Variants in ZNF687 observed in about 807,000 individuals in gnomAD.
The protein encoded by ZNF687 is zinc finger protein 687.
Under a neutral mutation model 71.8 loss-of-function variants are expected in ZNF687, and 13 were observed. That is an observed-to-expected ratio of 0.18 (90% CI 0.12 to 0.29). ZNF687 has a LOEUF of 0.29. Ranked by LOEUF, ZNF687 falls within the 10% of genes least tolerant of loss-of-function variation. ZNF687 has a pLI of 1.00. For missense variants in ZNF687, 1,412 were observed against 1,625.6 expected, an observed-to-expected ratio of 0.87 and a Z score of 2.26; for synonymous variants, 673 against 641.6, an observed-to-expected ratio of 1.05 and a Z score of -0.74.
chr1:151,281,913 G>C (rs993893677), upstream of ZNF687: 4 of 817,150 alleles, frequency 4.9e-6, no homozygotes, highest in Non-Finnish European at 6.8e-6. Context: ...TTCAAGCTTC[G>C]AGCGGCCAGT....
At position 151,291,572 on chromosome 1, in the gene ZNF687, C is replaced by G; in HGVS notation, c.*363C>G. 1 of 196,970 alleles carries G rather than the reference C, an allele frequency of 5.1e-6. No homozygotes were observed. The highest frequency in any genetic ancestry group is 1.0e-5 in the Non-Finnish European group (1 of 95,936). 12.2% of individuals were successfully genotyped at this position (196,970 alleles called of 1,614,324 possible). A position where few individuals can be genotyped will look rare whatever the true frequency, so the allele number is the denominator to read the frequency against. The stretch of plus-strand genomic sequence containing the variant: ...ATGGGGGTGTCATGGATGGACACAC[C>G]TCTCCACAATTCCTTCAGGCATGGA... On this transcript the variant is annotated 3_prime_UTR_variant, in exon 9 of 9. Transcript: ENST00000336715.
At chr1:151,282,793 G>GTCC (rs1267705081) in intron 1 of ZNF687, among the ~76,000 whole-genome samples, 1 of 152,042 alleles carries the variant, frequency 6.6e-6, no homozygotes, top group East Asian at 1.9e-4. Flanking sequence ...GCGGGTCAGC[G>GTCC]TCCGGGCCCG....
rs1287547520 is a variant in ZNF687, at chr1:151,291,888, T to G, written c.*679T>G. On this transcript the variant is annotated 3_prime_UTR_variant, in exon 9 of 9. Transcript: ENST00000336715. ...GGAGAAAACCAGACCATTAAAACTG[T>G]TTGTGGTCGAATCTCCATTCAGGCC... The G allele has an allele frequency of 6.6e-6, 1 of 152,308 alleles. No homozygotes were observed. The highest frequency in any genetic ancestry group is 2.4e-5 in the African/African-American group (1 of 41,382). 9.4% of individuals were successfully genotyped at this position (152,308 alleles called of 1,614,324 possible).
chr1:151,283,954 T>G (rs1026213415), intron 1 of ZNF687: 1 of 985,422 alleles, frequency 1.0e-6, no homozygotes, highest in African/African-American at 1.7e-5. Context: ...TAGTTGCTTC[T>G]TCGTAGATAC....
At chr1:151,289,306 A>AG in intron 4 of ZNF687, 35 bp downstream of exon 4, 1 of 1,612,662 alleles carries the variant, frequency 6.2e-7, no homozygotes, top group South Asian at 1.1e-5. Context: ...TGGGCCAGGG[A>AG]GGGCTGGTGG....
chr1:151,288,233 G>A lies in ZNF687; in HGVS notation c.1942G>A (p.Val648Ile). The stretch of plus-strand genomic sequence containing the variant: ...CATCACCTCCTCTGCCATTACTACA[G>A]TTGCTGCTGAGGCCCCTGTCCTGCC... ...GAITSSAITT[V>I]AAEAPVLPLS... is the part of the protein sequence containing the mutation. The change falls in exon 2 of 9, where the codon GTT (valine) becomes ATT (isoleucine). Residue 648 changes from valine to isoleucine, a missense_variant. By Grantham distance (29) the Val-to-Ile change is conservative. Transcript: ENST00000336715. The A allele has an allele frequency of 1.2e-6, 2 of 1,613,646 alleles. No individual in the cohort carries two copies. Among genetic ancestry groups the A allele is most frequent in the Non-Finnish European group, 1.7e-6 (2 of 1,180,002 alleles).
At chr1:151,282,188 CA>C, upstream of ZNF687, 1 of 1,095,956 alleles carries the variant, frequency 9.1e-7, no homozygotes, top group Non-Finnish European at 1.1e-6. Context: ...CTGGAAGGGG[CA>C]CAGGGCTGAG....
Position 151,287,023 on chromosome 1 carries a change from G to T in ZNF687, c.732G>T (p.Lys244Asn), listed in dbSNP as rs763363149. The T allele has an allele frequency of 6.2e-6, 10 of 1,606,886 alleles. No individual in the cohort carries two copies. The highest frequency in any genetic ancestry group is 1.7e-4 in the Middle Eastern group (1 of 6,026). The change falls in exon 2 of 9, where the codon AAG becomes AAT. Residue 244 changes from lysine (K) to asparagine (N), a missense_variant. By Grantham distance (94) the Lys-to-Asn change is moderately conservative. Transcript: ENST00000336715. The surrounding 1 kb of genome is among the most constrained non-coding windows in gnomAD (Gnocchi z 5.0). Reference sequence around the variant, plus strand: ...AACAAGGCTCAGGCTCCAGCCCTAAGGCCACGGACATCCCTGCCAGTGCCT... The same window carrying T: ...AACAAGGCTCAGGCTCCAGCCCTAATGCCACGGACATCCCTGCCAGTGCCT... ...LAQQGSGSSPKATDIPASASP... is the reference protein window; with the variant it reads ...LAQQGSGSSPNATDIPASASP...
intron 2 of ZNF687, 61 bp downstream of exon 2, chr1:151,288,467 G>A: frequency 1.9e-6 from 3 of 1,579,812 alleles, no homozygotes; most frequent in Non-Finnish European, 2.6e-6. Flanking sequence ...TGGGGGCTTG[G>A]TTAGAAGTAA....
Position 151,287,025 on chromosome 1 carries a change from C to T in ZNF687, c.734C>T (p.Ala245Val). 1 of 1,606,750 alleles carries T rather than the reference C, an allele frequency of 6.2e-7. No homozygotes were observed. Among genetic ancestry groups the T allele is most frequent in the East Asian group, 2.2e-5 (1 of 44,718 alleles). Residue 245 changes from alanine (A) to valine (V), a missense_variant, in exon 2 of 9, where the codon GCC becomes GTC. Transcript: ENST00000336715. This position sits in a 1 kb window ranked among gnomAD's most constrained non-coding sequence, Gnocchi z 5.0. Reference protein sequence around the residue: ...AQQGSGSSPKATDIPASASPP... With the variant: ...AQQGSGSSPKVTDIPASASPP... ...CAAGGCTCAGGCTCCAGCCCTAAGG[C>T]CACGGACATCCCTGCCAGTGCCTCG...
chr1:151,282,397 T>G lies in ZNF687; in HGVS notation c.-18+2T>G. On this transcript the variant is annotated splice_donor_variant, in intron 1 of 8. Transcript: ENST00000336715. LOFTEE classifies it low-confidence loss of function (5UTR_SPLICE). Reference sequence around the variant, plus strand: ...CGGCCCGCACCAGGAGCGGAACAAGTAAGCGTGCCTGGGGTAAATACCCGC... The same window carrying G: ...CGGCCCGCACCAGGAGCGGAACAAGGAAGCGTGCCTGGGGTAAATACCCGC... 6.1e-6 allele frequency: 6 copies of G among 988,118 alleles called. No individual in the cohort carries two copies. Among genetic ancestry groups the G allele is most frequent in the Non-Finnish European group, 7.2e-6 (6 of 830,878 alleles). The allele number at this position is 988,118 out of a possible 1,614,324, so 61.2% of individuals were successfully genotyped here. A position where few individuals can be genotyped will look rare whatever the true frequency, so the allele number is the denominator to read the frequency against.
Position 151,286,692 on chromosome 1 carries a change from T to G in ZNF687, c.401T>G (p.Leu134Arg), listed in dbSNP as rs200732440. 2.9e-5 allele frequency: 47 copies of G among 1,613,940 alleles called. 1 individual carries two copies. In the South Asian group the frequency reaches 4.9e-4, roughly 17 times the overall value. ...QNGFGSPEPS[L>R]PGTPHSPAPP... Reference sequence around the variant, plus strand: ...GGTTTTGGGAGCCCTGAACCTTCCCTCCCAGGAACTCCCCACTCTCCTGCT... The same window carrying G: ...GGTTTTGGGAGCCCTGAACCTTCCCGCCCAGGAACTCCCCACTCTCCTGCT... Residue 134 changes from leucine to arginine, a missense_variant, in exon 2 of 9, where the codon CTC (leucine) becomes CGC (arginine). Leu to Arg is a moderately radical substitution (Grantham distance 102). Around this residue, in one of 8 missense-constraint regions of ZNF687, gnomAD observed 490 missense variants for 489.9 expected, o/e 1.00. Coordinates refer to ENST00000336715, the MANE Select transcript of ZNF687 (RefSeq NM_020832.3).
upstream of ZNF687, chr1:151,281,598 C>A (rs1270133467): frequency 4.2e-6 from 2 of 471,104 alleles, no homozygotes. Flanking sequence ...CACGCCCTCC[C>A]GCAGAGGGAG....
In ZNF687 at chr1:151,287,870, GC is replaced by G; in HGVS notation, c.1582del (p.Leu528CysfsTer72). The G allele has an allele frequency of 6.2e-7, 1 of 1,613,944 alleles. No homozygotes were observed. Among genetic ancestry groups the G allele is most frequent in the Non-Finnish European group, 8.5e-7 (1 of 1,180,010 alleles). Reference sequence around the variant, plus strand: ...GAGCCCACCAGCTGAGGCTGGGCTGGCCCTGCCTCCCACCGGCTACCGCTGC... The same window carrying G: ...GAGCCCACCAGCTGAGGCTGGGCTGGCCTGCCTCCCACCGGCTACCGCTGC... ...NLSPPAEAGL[A>X]LPPTGYRCLE... On this transcript the variant is annotated frameshift_variant, in exon 2 of 9. Transcript: ENST00000336715. LOFTEE classifies it high-confidence loss of function. This position sits in a 1 kb window ranked among gnomAD's most constrained non-coding sequence, Gnocchi z 5.0.
intron 1 of ZNF687, chr1:151,283,104 C>T: frequency 1.0e-6 from 1 of 985,470 alleles, no homozygotes. Context: ...CTTCGCACGC[C>T]GGTGCGAGTG....
Position 151,288,302 on chromosome 1 carries a change from A to G in ZNF687, c.2011A>G (p.Thr671Ala), listed in dbSNP as rs371018349. ...PPAAPATSAY[T>A]CFRCLECKEQ... is the part of the protein sequence containing the mutation. Reference sequence around the variant, plus strand: ...TGCTGCCCCGGCCACCTCTGCTTACACATGCTTTCGCTGCCTGGAGTGCAA... The same window carrying G: ...TGCTGCCCCGGCCACCTCTGCTTACGCATGCTTTCGCTGCCTGGAGTGCAA... The change falls in exon 2 of 9, where the codon ACA becomes GCA. Residue 671 changes from threonine (T) to alanine (A), a missense_variant. Transcript: ENST00000336715. 28 of 1,613,086 alleles carry G rather than the reference A, an allele frequency of 1.7e-5. No homozygotes were observed. Among genetic ancestry groups the G allele is most frequent in the Non-Finnish European group, 2.0e-5 (24 of 1,180,016 alleles).
intron 1 of ZNF687, 69 bp downstream of exon 1, chr1:151,282,464 G>A: frequency 1.0e-6 from 1 of 962,340 alleles, no homozygotes; most frequent in Middle Eastern, 5.3e-4. Context: ...AAATACCCCC[G>A]CCCCTCCCCC....
At chr1:151,282,149 G>T, upstream of ZNF687, 1 of 1,196,224 alleles carries the variant, frequency 8.4e-7, no homozygotes, top group South Asian at 1.5e-5. Flanking sequence ...GTTCCGAGCG[G>T]CAGTATTTAG....
rs750858337 is a variant in ZNF687 at position 151,286,393 on chromosome 1, T to G, written c.102T>G (p.Asn34Lys). 6.2e-7 allele frequency: 1 copy of G among 1,612,630 alleles called. No individual in the cohort carries two copies. ...CCATCCATTCTGGGCCAGAAGAAAA[T>G]GAGGGGCCTGGAGGCCCAGGGAAGC... ...NEAIHSGPEE[N>K]EGPGGPGKPE... Residue 34 changes from asparagine to lysine, a missense_variant, in exon 2 of 9, where the codon AAT becomes AAG. Physicochemically the swap from Asn to Lys is moderately conservative, Grantham distance 94. Around this residue, in one of 8 missense-constraint regions of ZNF687, gnomAD observed 490 missense variants for 489.9 expected, o/e 1.00. Coordinates refer to ENST00000336715, the MANE Select transcript of ZNF687 (RefSeq NM_020832.3).
Sources: allele counts gnomAD v4.1 joint callset (sites outside exome capture counted in the v4.1 genomes callset), GRCh38; gene constraint gnomAD v4.1.1; regional missense constraint gnomAD v4.1.1; non-coding constraint Gnocchi (gnomAD v3.1); transcripts MANE v1.5; gene names NCBI Gene and HGNC (gene_info 2026-07-23, HGNC 2026-07-21).